DMD: variants seen among roughly 807,000 people sequenced by gnomAD.
The protein encoded by DMD is dystrophin.
Under a neutral mutation model 330.1 loss-of-function variants are expected in DMD, and 63 were observed. The observed-to-expected ratio is 0.19, with a 90% CI of 0.16 to 0.24. The LOEUF (loss-of-function observed/expected upper bound fraction) is 0.24. DMD is among the 10% of genes least tolerant of loss of function. DMD has a pLI of 1.00. For synonymous variants in DMD, 1,223 were observed against 959.8 expected (o/e 1.27, Z -5.07); for missense variants, 3,344 against 2,684.1 (o/e 1.25, Z -5.43).
chrX:32,062,508 T>C (rs1177430811), intron 44 of DMD, among the ~76,000 whole-genome samples: 1 of 111,067 alleles, frequency 9.0e-6, no homozygotes, highest in Non-Finnish European at 1.9e-5. Context: ...AATGTCTTGA[T>C]GTGAATGGAT....
At chrX:32,447,580 C>T (rs1484473800) in intron 27 of DMD, among the ~76,000 whole-genome samples, 1 of 111,225 alleles carries the variant, frequency 9.0e-6, no homozygotes, top group East Asian at 2.8e-4. Context: ...CTTTAAATAT[C>T]AAACCCTCAA....
At chrX:32,744,183 C>G (rs991102035) in intron 7 of DMD, among the ~76,000 whole-genome samples, 1 of 109,454 alleles carries the variant, frequency 9.1e-6, no homozygotes, top group Non-Finnish European at 1.9e-5. Context: ...GAAGGATAAC[C>G]ATTCTTACAA....
intron 53 of DMD, among the ~76,000 whole-genome samples, chrX:31,658,455 G>A (rs2080919676): frequency 9.0e-6 from 1 of 111,574 alleles, no homozygotes; most frequent in African/African-American, 3.3e-5. Flanking sequence ...ACAAAAATAA[G>A]CTCATATATA....
At chrX:32,335,994 GTATATATAACGT>G (rs1377661705) in intron 41 of DMD, among the ~76,000 whole-genome samples, 4 of 29,504 alleles carry the variant, frequency 1.4e-4, no homozygotes, top group South Asian at 1.8e-3. Context: ...TATATAACGT[GTATATATAACGT>G]TATATATAAC....
chrX:32,256,316 T>TA (rs1408351862), intron 43 of DMD, among the ~76,000 whole-genome samples: 14 of 109,706 alleles, frequency 1.3e-4, no homozygotes, highest in Non-Finnish European at 2.7e-4. Flanking sequence ...ACCCCTGTTT[T>TA]TTTTTTTATT....
At chrX:31,425,125 T>C (rs2063627377) in intron 60 of DMD, among the ~76,000 whole-genome samples, 1 of 112,433 alleles carries the variant, frequency 8.9e-6, no homozygotes, top group African/African-American at 3.2e-5. Context: ...TTGCCTATAA[T>C]TTCAGTATTG....
At chrX:31,704,847 T>A (rs1442996930) in intron 52 of DMD, among the ~76,000 whole-genome samples, 1 of 112,064 alleles carries the variant, frequency 8.9e-6, no homozygotes, top group Non-Finnish European at 1.9e-5. Flanking sequence ...CTTATATAAC[T>A]GAGATTGAGT....
chrX:32,124,184 C>T (rs910882063), intron 44 of DMD, among the ~76,000 whole-genome samples: 6 of 112,567 alleles, frequency 5.3e-5, no homozygotes, highest in Admixed American at 1.9e-4. Flanking sequence ...AAGGTGTTTA[C>T]AGCAAATTAT....
chrX:31,216,552 A>G (rs1278651609), intron 64 of DMD, among the ~76,000 whole-genome samples: 1 of 112,326 alleles, frequency 8.9e-6, no homozygotes, highest in Non-Finnish European at 1.9e-5. Flanking sequence ...GAAAAAGTAG[A>G]TTTTTGTAGG....
At chrX:31,457,796 G>T (rs2066283153) in intron 59 of DMD, among the ~76,000 whole-genome samples, 1 of 111,190 alleles carries the variant, frequency 9.0e-6, no homozygotes, top group African/African-American at 3.3e-5. Flanking sequence ...GAAACAAAAT[G>T]GATTTTTACT....
chrX:33,028,804 A>C (rs1004735935), intron 1 of DMD, among the ~76,000 whole-genome samples: 3 of 112,137 alleles, frequency 2.7e-5, no homozygotes, highest in Non-Finnish European at 5.6e-5. Context: ...CAGATACTTT[A>C]ATTGTGTGTG....
chrX:32,390,333 T>A, intron 30 of DMD, 152 bp from the exon 31 acceptor site: 1 of 481,796 alleles, frequency 2.1e-6, no homozygotes, highest in East Asian at 3.7e-5. Context: ...GGTTCACACC[T>A]GTAATCCTAG....
intron 2 of DMD, among the ~76,000 whole-genome samples, chrX:32,852,167 A>G (rs2041190197): frequency 9.0e-6 from 1 of 111,366 alleles, no homozygotes; most frequent in South Asian, 3.8e-4. Flanking sequence ...GACAGTAAAG[A>G]TGACATTGTC....
At chrX:33,052,584 A>C (rs958704229) in intron 1 of DMD, among the ~76,000 whole-genome samples, 4 of 112,178 alleles carry the variant, frequency 3.6e-5, no homozygotes, top group African/African-American at 1.3e-4. Flanking sequence ...AAAGAAAAAG[A>C]AGCTAGAACA....
intron 44 of DMD, among the ~76,000 whole-genome samples, chrX:32,179,100 C>G (rs1236949805): frequency 3.6e-5 from 4 of 109,805 alleles, no homozygotes; most frequent in Non-Finnish European, 7.6e-5. Flanking sequence ...GTTTTGGACA[C>G]TAGCCATAAA....
intron 74 of DMD, among the ~76,000 whole-genome samples, chrX:31,166,824 A>G (rs1298063901): frequency 8.9e-6 from 1 of 111,885 alleles, no homozygotes; most frequent in Non-Finnish European, 1.9e-5. Flanking sequence ...TGAAGGGACA[A>G]TGAAGGAAGC....
chrX:32,501,775 A>T lies in DMD; in HGVS notation c.2360T>A (p.Leu787Gln), dbSNP rs757260917. The change falls in exon 19 of 79, where the codon CTG becomes CAG. Residue 787 changes from leucine to glutamine, a missense_variant. Physicochemically the swap from Leu to Gln is moderately radical, Grantham distance 113. Transcript: ENST00000357033. Reference protein sequence around the residue: ...LQDASRSAQALVEQMVNEGVN... With the variant: ...LQDASRSAQAQVEQMVNEGVN... ...ATTACCATTCACCATCTGTTCCACC[A>T]GGGCCTGAGCTGATCTGCTGGCATC... 1 of 1,208,833 alleles carries T rather than the reference A, an allele frequency of 8.3e-7. No homozygotes were observed. Among genetic ancestry groups the T allele is most frequent in the Non-Finnish European group, 1.1e-6 (1 of 893,289 alleles).
In DMD at chrX:32,569,396, C is replaced by A. The variant is rs1439393857; in HGVS notation, c.1813-3515G>T. Among the ~76,000 whole-genome samples the A allele has an allele frequency of 4.5e-5, 5 of 111,764 alleles. No individual in the cohort carries two copies. The East Asian group carries it at 1.4e-3, about 31-fold the overall frequency. Reference sequence around the variant, plus strand: ...GATGTGCTCCAATTCATTCTAATCACCAGTTGTACTTTGGGAGGTTGATCT... The same window carrying A: ...GATGTGCTCCAATTCATTCTAATCAACAGTTGTACTTTGGGAGGTTGATCT... On this transcript the variant is annotated intron_variant, in intron 15 of 78. Transcript: ENST00000357033.
intron 42 of DMD, among the ~76,000 whole-genome samples, chrX:32,305,788 T>A (rs2097538176): frequency 9.0e-6 from 1 of 111,143 alleles, no homozygotes; most frequent in African/African-American, 3.3e-5. Flanking sequence ...CATATCCTCA[T>A]CTCTTTCTAC....
Sources: gnomAD v4.1 joint callset for allele counts (sites outside exome capture counted in the v4.1 genomes callset) on GRCh38, gnomAD v4.1.1 for gene constraint, MANE v1.5 for transcripts, NCBI Gene and HGNC (gene_info 2026-07-23, HGNC 2026-07-21) for gene names.